The following CDCA2 variants were observed in gnomAD, a reference collection of about 807,000 sequenced individuals.
CDCA2 encodes the protein cell division cycle-associated protein 2.
In CDCA2, 44 loss-of-function variants were observed where a neutral mutation model predicts 67.0. The observed-to-expected ratio is 0.66, with a 90% confidence interval of 0.52 to 0.84. The LOEUF (loss-of-function observed/expected upper bound fraction) is 0.84. Ranked by LOEUF, CDCA2 falls within the 40% of genes least tolerant of loss-of-function variation. The pLI is 0.00. For missense variants in CDCA2, 1,253 were observed against 1,203.2 expected (o/e 1.04, Z -0.61); for synonymous variants, 447 against 418.7 (o/e 1.07, Z -0.82).
At chr8:25,488,225 C>T (rs535283649) in intron 12 of CDCA2, among the ~76,000 whole-genome samples, 1 of 152,168 alleles carries the variant, frequency 6.6e-6, no homozygotes, top group South Asian at 2.1e-4. Context: ...TTCCCCATAA[C>T]CCAGTAGTTA....
chr8:25,486,648 CA>C (rs34058825), intron 11 of CDCA2, among the ~76,000 whole-genome samples: 125,941 of 137,562 alleles, frequency 0.92, 58,316 homozygotes, highest in East Asian at 0.99. Flanking sequence ...ACTGAAAATA[CA>C]AAAAAAAAAA....
chr8:25,469,515 G>A (rs1036985080), intron 6 of CDCA2, among the ~76,000 whole-genome samples: 7 of 152,152 alleles, frequency 4.6e-5, no homozygotes, highest in Admixed American at 6.6e-5. Flanking sequence ...ATCGTTTGGC[G>A]TTTGATTAAT....
In CDCA2 at chr8:25,483,992, G is replaced by T. The variant is rs371224045; in HGVS notation, c.1147G>T (p.Ala383Ser). 4 of 1,613,812 alleles carry T rather than the reference G, an allele frequency of 2.5e-6. No individual in the cohort carries two copies. Among genetic ancestry groups the T allele is most frequent in the Non-Finnish European group, 3.4e-6 (4 of 1,179,870 alleles). ...AEDEENFEAP[A>S]FLNMRKRKRV... is the part of the protein sequence containing the mutation. ...AGATGAAGAAAATTTTGAAGCACCTGCCTTTCTAAATATGAGGAAGAGGAA... is the reference window on the plus strand; with the variant it reads ...AGATGAAGAAAATTTTGAAGCACCTTCCTTTCTAAATATGAGGAAGAGGAA... The change falls in exon 10 of 15, where the codon GCC (alanine) becomes TCC (serine). Residue 383 changes from alanine to serine, a missense_variant. Physicochemically the swap from Ala to Ser is moderately conservative, Grantham distance 99. Transcript: ENST00000330560.
chr8:25,507,858 C>G lies in CDCA2; in HGVS notation c.*120C>G. 9.7e-7 allele frequency: 1 copy of G among 1,029,512 alleles called. No individual in the cohort carries two copies. The highest frequency in any genetic ancestry group is 1.3e-6 in the Non-Finnish European group (1 of 754,806). 63.8% of individuals were successfully genotyped at this position (1,029,512 alleles called of 1,614,324 possible). A position where few individuals can be genotyped will look rare whatever the true frequency, so the allele number is the denominator to read the frequency against. ...TTCAAAAGTTCCTAATAAATAAACTCATTTGAGTTGAACCTACTTTTATGT... is the reference window on the plus strand; with the variant it reads ...TTCAAAAGTTCCTAATAAATAAACTGATTTGAGTTGAACCTACTTTTATGT... On this transcript the variant is annotated 3_prime_UTR_variant, in exon 15 of 15. Coordinates refer to ENST00000330560, the MANE Select transcript of CDCA2 (RefSeq NM_152562.4).
intron 3 of CDCA2, among the ~76,000 whole-genome samples, chr8:25,460,847 A>G (rs1802655506): frequency 6.6e-6 from 1 of 152,180 alleles, no homozygotes; most frequent in Non-Finnish European, 1.5e-5. Flanking sequence ...GTCACCTAGG[A>G]TACAGGAGGG....
intron 7 of CDCA2, among the ~76,000 whole-genome samples, chr8:25,471,170 C>G (rs558053667): frequency 6.6e-5 from 10 of 152,166 alleles, no homozygotes; most frequent in African/African-American, 2.4e-4. Context: ...CTGAGTTTCT[C>G]TGTCTTATTT....
chr8:25,479,751 C>T (rs991667946), intron 7 of CDCA2, 162 bp from the exon 8 acceptor site: 5 of 659,650 alleles, frequency 7.6e-6, no homozygotes, highest in Non-Finnish European at 1.3e-5. Flanking sequence ...ACCTCCTTTT[C>T]TGTTTCCAAA....
chr8:25,472,440 G>A (rs1268111458), intron 7 of CDCA2, among the ~76,000 whole-genome samples: 5 of 151,594 alleles, frequency 3.3e-5, no homozygotes, highest in East Asian at 1.9e-4. Context: ...TTGTAGAGAC[G>A]GAGTTTCACC....
rs779374362 is a variant in CDCA2 at position 25,460,504 on chromosome 8, C to T, written c.182C>T (p.Thr61Ile). 1.9e-6 allele frequency: 3 copies of T among 1,614,160 alleles called. No homozygotes were observed. Among genetic ancestry groups the T allele is most frequent in the Non-Finnish European group, 1.7e-6 (2 of 1,180,020 alleles). The stretch of plus-strand genomic sequence containing the variant: ...TCACCTTTGAACTTTTCCACAGTAA[C>T]CGTAGAGCAATTGGGAATTACACCT... ...FKSPLNFSTV[T>I]VEQLGITPES... is the part of the protein sequence containing the mutation. Residue 61 changes from threonine to isoleucine, a missense_variant, in exon 3 of 15, where the codon ACC becomes ATC. Transcript: ENST00000330560.
intron 4 of CDCA2, among the ~76,000 whole-genome samples, chr8:25,462,637 A>AG (rs1802745413): frequency 2.0e-5 from 2 of 99,266 alleles, no homozygotes; most frequent in South Asian, 2.9e-4. Context: ...AAAAAAAAAA[A>AG]TGCAGTTAGC....
intron 11 of CDCA2, 133 bp from the exon 12 acceptor site, chr8:25,487,113 C>A (rs959782407): frequency 1.7e-6 from 1 of 593,768 alleles, no homozygotes; most frequent in Non-Finnish European, 3.0e-6. Context: ...AAAATTTCTG[C>A]TGCTTGGCTC....
chr8:25,480,392 T>C (rs927953780), intron 8 of CDCA2, among the ~76,000 whole-genome samples: 3 of 152,140 alleles, frequency 2.0e-5, no homozygotes, highest in African/African-American at 7.2e-5. Context: ...TCTTACATAA[T>C]CTTATTGCAC....
intron 14 of CDCA2, 134 bp downstream of exon 14, chr8:25,503,678 C>A: frequency 1.3e-6 from 1 of 788,658 alleles, no homozygotes; most frequent in Non-Finnish European, 2.0e-6. Context: ...TGTTTCCTCA[C>A]ATTACCATGA....
Position 25,491,055 on chromosome 8 carries a change from TATC to T in CDCA2, c.1671+2370_1671+2372del, listed in dbSNP as rs148850476. ...AATACTCCACTCCAATTTAAGAAAA[TATC>T]ATCTGCATAAAAGTAAGGAGATACT... On this transcript the variant is annotated intron_variant, in intron 13 of 14. Transcript: ENST00000330560. Among the ~76,000 whole-genome samples the T allele has an allele frequency of 8.7e-3, 1,327 of 152,174 alleles. 20 individuals are homozygous for T. Among genetic ancestry groups the T allele is most frequent in the African/African-American group, 0.03 (1,239 of 41,508 alleles).
In CDCA2 at chr8:25,486,123, A is replaced by G. The variant is rs1317915601; in HGVS notation, c.1444+286A>G. Among the ~76,000 whole-genome samples, 3 of 152,236 alleles carry G rather than the reference A, an allele frequency of 2.0e-5. No homozygotes were observed. The East Asian group carries it at 5.8e-4, about 29-fold the overall frequency. On this transcript the variant is annotated intron_variant, in intron 11 of 14. Transcript: ENST00000330560. ...GCCTCTCAACTCTTAAGTATCAATG[A>G]CAAACTGCTATTCACAGTTTACAGA... is the stretch of plus-strand genomic sequence containing the variant.
intron 13 of CDCA2, among the ~76,000 whole-genome samples, chr8:25,500,536 T>C (rs1305474002): frequency 6.6e-6 from 1 of 152,104 alleles, no homozygotes. Context: ...TTAAAAAGGG[T>C]CACTCTGTTG....
In CDCA2 at chr8:25,486,494, C is replaced by G. The variant is rs138093724; in HGVS notation, c.1444+657C>G. Reference sequence around the variant, plus strand: ...GGCCATACCCTTAAACATATTATACCACCTTTCATTTATATCATTAAAAGT... The same window carrying G: ...GGCCATACCCTTAAACATATTATACGACCTTTCATTTATATCATTAAAAGT... On this transcript the variant is annotated intron_variant, in intron 11 of 14. Transcript: ENST00000330560. Among the ~76,000 whole-genome samples the G allele has an allele frequency of 2.3e-3, 357 of 152,086 alleles. 1 individual carries two copies. The South Asian group carries it at 0.027, about 12-fold the overall frequency.
At chr8:25,463,323 A>G (rs1020307621) in intron 4 of CDCA2, among the ~76,000 whole-genome samples, 7 of 152,180 alleles carry the variant, frequency 4.6e-5, no homozygotes, top group African/African-American at 1.7e-4. Flanking sequence ...TTGTTCAGTG[A>G]TGGACTAAAT....
chr8:25,468,091 C>A, intron 5 of CDCA2, 126 bp from the exon 6 acceptor site: 1 of 325,962 alleles, frequency 3.1e-6, no homozygotes, highest in Non-Finnish European at 4.5e-6. Context: ...GTACTCAAGC[C>A]TGGGCGACAA....
Sources: gnomAD v4.1 joint callset for allele counts (sites outside exome capture counted in the v4.1 genomes callset) on GRCh38, gnomAD v4.1.1 for gene constraint, MANE v1.5 for transcripts, NCBI Gene and HGNC (gene_info 2026-07-23, HGNC 2026-07-21) for gene names.